RSRC1: variants seen among roughly 807,000 people sequenced by gnomAD.
The protein encoded by RSRC1 is arginine and serine rich coiled-coil 1.
A neutral mutation model predicts 49.1 loss-of-function variants in RSRC1; 39 were observed. The ratio of observed to expected loss-of-function variants is 0.79; its 90% CI spans 0.61 to 1.04. RSRC1 has a LOEUF of 1.04. RSRC1 is among the 50% of genes least tolerant of loss of function. The pLI, the probability that RSRC1 is intolerant of heterozygous loss-of-function variation, is 0.00. For missense variants in RSRC1, 388 were observed against 402.4 expected, an observed-to-expected ratio of 0.96 and a Z score of 0.31; for synonymous variants, 143 against 130.8, an observed-to-expected ratio of 1.09 and a Z score of -0.63.
chr3:158,233,143 A>G (rs1466594461), intron 4 of RSRC1, among the ~76,000 whole-genome samples: 5 of 152,180 alleles, frequency 3.3e-5, no homozygotes, highest in East Asian at 3.9e-4. Context: ...AGGGAAAGAC[A>G]TAAATTCCTT....
chr3:158,316,505 C>T lies in RSRC1; in HGVS notation c.531+18430C>T, dbSNP rs569635364. Among the ~76,000 whole-genome samples the T allele has an allele frequency of 2.2e-4, 29 of 133,170 alleles. No homozygotes were observed. In the East Asian group the frequency reaches 3.4e-3, roughly 16 times the overall value. 87.4% of individuals were successfully genotyped at this position (133,170 alleles called of 152,430 possible). On this transcript the variant is annotated intron_variant, in intron 5 of 9. Transcript: ENST00000611884. The stretch of plus-strand genomic sequence containing the variant: ...TGTCGCCCAGGCTGGAGTGCAGTGG[C>T]GCGATCTCGGCTCACTGCAGGCTCC...
rs144177996 is a variant in RSRC1 at position 158,348,212 on chromosome 3, A to G, written c.532-6645A>G. On this transcript the variant is annotated intron_variant, in intron 5 of 9. Coordinates refer to ENST00000611884, the MANE Select transcript of RSRC1 (RefSeq NM_001271838.2). ...TGGCAGATGGAATGGCTTTAACTTC[A>G]TCAACTTTCAGAATTTCCATAGTGG... 8.2e-3 allele frequency among the ~76,000 whole-genome samples: 1,256 copies of G among 152,284 alleles called. 13 individuals are homozygous for G. Among genetic ancestry groups the G allele is most frequent in the Non-Finnish European group, 0.014 (940 of 68,018 alleles).
At position 158,151,085 on chromosome 3, in the gene RSRC1, C is replaced by G. The variant is rs148020692; in HGVS notation, c.320+27094C>G. ...GGGGAGAAAAAATATCTTTTTCTCA[C>G]GCATTGCCAGGTGCATGGCGGAGGC... On this transcript the variant is annotated intron_variant, in intron 3 of 9. Coordinates refer to ENST00000611884, the MANE Select transcript of RSRC1 (RefSeq NM_001271838.2). Among the ~76,000 whole-genome samples, 37 of 152,174 alleles carry G rather than the reference C, an allele frequency of 2.4e-4. No homozygotes were observed. The East Asian group carries it at 6.2e-3, about 25-fold the overall frequency.
intron 3 of RSRC1, among the ~76,000 whole-genome samples, chr3:158,158,394 GT>G (rs1718009850): frequency 6.6e-6 from 1 of 152,118 alleles, no homozygotes; most frequent in Non-Finnish European, 1.5e-5. Context: ...AACTATTACT[GT>G]GTGTATACTG....
intron 5 of RSRC1, among the ~76,000 whole-genome samples, chr3:158,334,342 G>A (rs1037900848): frequency 2.2e-4 from 33 of 151,992 alleles, no homozygotes; most frequent in Admixed American, 2.2e-3. Flanking sequence ...AAAATAACTA[G>A]TTTTGTGTGA....
At chr3:158,327,685 G>A (rs997354128) in intron 5 of RSRC1, among the ~76,000 whole-genome samples, 2 of 152,150 alleles carry the variant, frequency 1.3e-5, no homozygotes, top group African/African-American at 2.4e-5. Flanking sequence ...GTGTGGTGTG[G>A]TGCTGAAAAG....
chr3:158,451,661 C>A (rs889054849), intron 6 of RSRC1, among the ~76,000 whole-genome samples: 2 of 152,048 alleles, frequency 1.3e-5, no homozygotes, highest in African/African-American at 4.8e-5. Flanking sequence ...AGCATACAAA[C>A]TCATAATGCC....
At chr3:158,500,631 T>G (rs1296168272) in intron 7 of RSRC1, among the ~76,000 whole-genome samples, 2 of 152,178 alleles carry the variant, frequency 1.3e-5, no homozygotes, top group Non-Finnish European at 2.9e-5. Flanking sequence ...TCTTCTAGGT[T>G]TTCTAGTTTA....
At chr3:158,313,977 A>G (rs760735248) in intron 5 of RSRC1, among the ~76,000 whole-genome samples, 1 of 152,246 alleles carries the variant, frequency 6.6e-6, no homozygotes, top group Non-Finnish European at 1.5e-5. Flanking sequence ...TCTAAACACA[A>G]AATATCTCTA....
chr3:158,334,272 A>G (rs1729731752), intron 5 of RSRC1, among the ~76,000 whole-genome samples: 2 of 152,306 alleles, frequency 1.3e-5, no homozygotes, highest in East Asian at 3.9e-4. Flanking sequence ...TAAAGTATAA[A>G]CAACTGTTAT....
intron 6 of RSRC1, among the ~76,000 whole-genome samples, chr3:158,453,813 A>G (rs1168616806): frequency 6.6e-6 from 1 of 151,894 alleles, no homozygotes; most frequent in Non-Finnish European, 1.5e-5. Context: ...GTGTATGTGT[A>G]TTTACTTTTT....
At chr3:158,528,228 G>C (rs759903615) in intron 7 of RSRC1, among the ~76,000 whole-genome samples, 7 of 151,864 alleles carry the variant, frequency 4.6e-5, no homozygotes, top group African/African-American at 7.3e-5. Context: ...AGTAATTTAT[G>C]AGCTCAGCGT....
At chr3:158,534,217 T>A (rs1454163805) in intron 7 of RSRC1, among the ~76,000 whole-genome samples, 2 of 151,738 alleles carry the variant, frequency 1.3e-5, no homozygotes, top group Non-Finnish European at 3.0e-5. Context: ...TGCACAAGAC[T>A]ATAATCATTA....
intron 7 of RSRC1, among the ~76,000 whole-genome samples, chr3:158,525,970 A>G (rs1712001345): frequency 6.6e-6 from 1 of 151,946 alleles, no homozygotes; most frequent in Admixed American, 6.6e-5. Context: ...TAGTGGTAAC[A>G]CAGAATTAAC....
intron 4 of RSRC1, among the ~76,000 whole-genome samples, chr3:158,259,570 ACTGT>A (rs1478039099): frequency 1.3e-5 from 2 of 152,076 alleles, no homozygotes; most frequent in African/African-American, 4.8e-5. Context: ...TGCGGTGATC[ACTGT>A]CTGGCTACTG....
At chr3:158,464,746 A>G (rs1199854955) in intron 7 of RSRC1, among the ~76,000 whole-genome samples, 1 of 152,138 alleles carries the variant, frequency 6.6e-6, no homozygotes, top group East Asian at 1.9e-4. Flanking sequence ...TGTTCTAAGT[A>G]TTCTACTTAT....
intron 1 of RSRC1, among the ~76,000 whole-genome samples, chr3:158,120,995 T>A (rs1321493230): frequency 6.6e-6 from 1 of 151,742 alleles, no homozygotes; most frequent in Non-Finnish European, 1.5e-5. Context: ...AGGTTCTATT[T>A]GTTTTTTCTG....
chr3:158,144,376 C>T (rs1002723100), intron 3 of RSRC1, among the ~76,000 whole-genome samples: 1 of 151,738 alleles, frequency 6.6e-6, no homozygotes, highest in East Asian at 1.9e-4. Flanking sequence ...TGAGTGAGAA[C>T]ATGCAGTGTT....
chr3:158,355,590 A>G (rs1731111570), intron 6 of RSRC1, among the ~76,000 whole-genome samples: 1 of 152,008 alleles, frequency 6.6e-6, no homozygotes, highest in South Asian at 2.1e-4. Context: ...TTCTCAAGGT[A>G]CTATAATGCT....
Sources: gnomAD v4.1 joint callset for allele counts (sites outside exome capture counted in the v4.1 genomes callset) on GRCh38, gnomAD v4.1.1 for gene constraint, MANE v1.5 for transcripts, NCBI Gene and HGNC (gene_info 2026-07-23, HGNC 2026-07-21) for gene names.